AFF4: variants seen among roughly 807,000 people sequenced by gnomAD.
AFF4 encodes ALF transcription elongation factor 4.
A neutral mutation model predicts 124.8 loss-of-function variants in AFF4; 13 were observed. The ratio of observed to expected loss-of-function variants is 0.10; its 90% CI spans 0.07 to 0.17. AFF4 has a LOEUF of 0.17. Among genes scored for constraint, AFF4 ranks in the 10% least tolerant of loss-of-function variants. The probability of loss-of-function intolerance (pLI) is 1.00; values close to 1 mark genes in which losing one functional copy is unlikely to be tolerated. For synonymous variants in AFF4, 477 were observed against 496.1 expected, an observed-to-expected ratio of 0.96 and a Z score of 0.51; for missense variants, 1,092 against 1,403.8, an observed-to-expected ratio of 0.78 and a Z score of 3.55.
intron 17 of AFF4, among the ~76,000 whole-genome samples, chr5:132,887,157 A>AACGGG (rs1285590894): frequency 1.3e-5 from 2 of 152,224 alleles, no homozygotes; most frequent in African/African-American, 4.8e-5. Flanking sequence ...GGATGAAGCA[A>AACGGG]ACAAGTCACA....
At position 132,878,117 on chromosome 5, in the gene AFF4, G is replaced by A. The variant is rs1759884678; in HGVS notation, c.*2942C>T. 2 of 227,288 alleles carry A rather than the reference G, an allele frequency of 8.8e-6. No individual in the cohort carries two copies. The highest frequency in any genetic ancestry group is 3.6e-4 in the South Asian group (2 of 5,492). The allele number at this position is 227,288 out of a possible 1,614,324, so 14.1% of individuals were successfully genotyped here. ...CTTGCCCAGAAAAAGGTGGCACTGAGGCAAGGAATGGGCTGGATGCTCTCT... is the reference window on the plus strand; with the variant it reads ...CTTGCCCAGAAAAAGGTGGCACTGAAGCAAGGAATGGGCTGGATGCTCTCT... On this transcript the variant is annotated 3_prime_UTR_variant, in exon 21 of 21. Transcript: ENST00000265343.
At chr5:132,914,583 A>G (rs1042989920) in intron 5 of AFF4, among the ~76,000 whole-genome samples, 13 of 152,056 alleles carry the variant, frequency 8.5e-5, no homozygotes, top group African/African-American at 3.1e-4. Context: ...CCTGGGAGAC[A>G]GAGCAAGACT....
In AFF4 at chr5:132,927,105, C is replaced by A; in HGVS notation, c.1050+16G>T. ...GAGTTTTCTTACATTATGAAAGATACATTTTATTTACTTACCTTAGTTGGA... is the reference window on the plus strand; with the variant it reads ...GAGTTTTCTTACATTATGAAAGATAAATTTTATTTACTTACCTTAGTTGGA... On this transcript the variant is annotated intron_variant, in intron 5 of 20. Coordinates refer to ENST00000265343, the MANE Select transcript of AFF4 (RefSeq NM_014423.4). 20 of 1,601,122 alleles carry A rather than the reference C, an allele frequency of 1.2e-5. No individual in the cohort carries two copies. The highest frequency in any genetic ancestry group is 1.7e-5 in the Non-Finnish European group (20 of 1,171,022).
At position 132,876,532 on chromosome 5, in the gene AFF4, G is replaced by A. The variant is rs1759843871; in HGVS notation, c.*4527C>T. The A allele has an allele frequency of 4.7e-6, 1 of 214,122 alleles. No homozygotes were observed. The highest frequency in any genetic ancestry group is 9.5e-6 in the Non-Finnish European group (1 of 105,734). The allele number at this position is 214,122 out of a possible 1,614,324, so 13.3% of individuals were successfully genotyped here. ...ATGTTTAGCTGAGTAACAGTGGCAA[G>A]GAGAGGTCAATGCTGACATTCCTGA... On this transcript the variant is annotated 3_prime_UTR_variant, in exon 21 of 21. Coordinates refer to ENST00000265343, the MANE Select transcript of AFF4 (RefSeq NM_014423.4).
chr5:132,915,338 C>CAAAAGAA (rs200113875), intron 5 of AFF4, among the ~76,000 whole-genome samples: 6 of 148,246 alleles, frequency 4.0e-5, no homozygotes, highest in Middle Eastern at 3.4e-3. Context: ...AAGACTGTCT[C>CAAAAGAA]AAAAGAAAAA....
intron 5 of AFF4, among the ~76,000 whole-genome samples, chr5:132,916,238 CAAAAAAAAAA>C (rs70974061): frequency 1.3e-3 from 64 of 50,684 alleles, no homozygotes; most frequent in Middle Eastern, 0.015. Flanking sequence ...GATGCTGTCT[CAAAAAAAAAA>C]AAAAAAAAAA....
rs746975722 is a variant in AFF4 at position 132,889,180 on chromosome 5, A to G, written c.2638-7T>C. 2.2e-5 allele frequency: 34 copies of G among 1,579,452 alleles called. No individual in the cohort carries two copies. The highest frequency in any genetic ancestry group is 2.7e-5 in the African/African-American group (2 of 74,056). Reference sequence around the variant, plus strand: ...AGCTACTTGGAGCCTTTTCCTGACCAAAAAAATATATAACTACAATGAAAA... The same window carrying G: ...AGCTACTTGGAGCCTTTTCCTGACCGAAAAAATATATAACTACAATGAAAA... On this transcript the variant is annotated splice_polypyrimidine_tract_variant and splice_region_variant and intron_variant, in intron 13 of 20. Transcript: ENST00000265343.
chr5:132,881,123 T>C lies in AFF4; in HGVS notation c.3428A>G (p.Asp1143Gly). ...TCCCTGCCGGGTATAACGAACTAGA[T>C]CTGTCATGATGCTTGCATTAAAGAT... ...PLIFNASIMT[D>G]LVRYTRQGLH... Residue 1143 changes from aspartate (D) to glycine (G), a missense_variant, in exon 21 of 21, where the codon GAT becomes GGT. By Grantham distance (94) the Asp-to-Gly change is moderately conservative. Around this residue, in one of 11 missense-constraint regions of AFF4, gnomAD observed 173 missense variants for 294.9 expected, o/e 0.59. Coordinates refer to ENST00000265343, the MANE Select transcript of AFF4 (RefSeq NM_014423.4). The C allele has an allele frequency of 6.2e-7, 1 of 1,614,228 alleles. No homozygotes were observed. Among genetic ancestry groups the C allele is most frequent in the Non-Finnish European group, 8.5e-7 (1 of 1,180,028 alleles).
chr5:132,904,445 AAAAG>A, intron 5 of AFF4, 41 bp from the exon 6 acceptor site: 1 of 1,538,124 alleles, frequency 6.5e-7, no homozygotes, highest in East Asian at 2.2e-5. Context: ...GTTACACTAA[AAAAG>A]AAAGATTAGT....
At chr5:132,931,424 A>C (rs1329338071) in intron 4 of AFF4, among the ~76,000 whole-genome samples, 1 of 152,174 alleles carries the variant, frequency 6.6e-6, no homozygotes, top group Admixed American at 6.6e-5. Flanking sequence ...GTGAGACTCC[A>C]TATCAAGAAA....
At chr5:132,958,655 G>T (rs1242522717) in intron 1 of AFF4, among the ~76,000 whole-genome samples, 1 of 152,050 alleles carries the variant, frequency 6.6e-6, no homozygotes, top group Non-Finnish European at 1.5e-5. Flanking sequence ...ATTCCAATTG[G>T]AAGAAATGGA....
chr5:132,938,951 AAAAAAAAAAAAAGGCAATTTAATGTTTAG>A, intron 1 of AFF4, among the ~76,000 whole-genome samples: 1 of 149,176 alleles, frequency 6.7e-6, no homozygotes, highest in East Asian at 2.0e-4. Flanking sequence ...CAAAAAAAAA[AAAAAAAAAAAAAGGCAATTTAATGTTTAG>A]AAAAAAAAAA....
rs377414396 is a variant in AFF4 at position 132,897,157 on chromosome 5, T to C, written c.1473A>G (p.Ser491=). The C allele has an allele frequency of 3.7e-6, 6 of 1,614,110 alleles. No individual in the cohort carries two copies. The African/African-American group carries it at 5.3e-5, about 14-fold the overall frequency. The stretch of plus-strand genomic sequence containing the variant: ...GAGATGATGGGATGTTACTGTCCAC[T>C]GAAGAGGCGGGTGACACTTTATGTG... ...VNPHKVSPAS[S]VDSNIPSSQG... is the part of the protein sequence containing the mutation. The change falls in exon 11 of 21, where the codon TCA becomes TCG. Residue 491 remains serine (S), a synonymous_variant. Coordinates refer to ENST00000265343, the MANE Select transcript of AFF4 (RefSeq NM_014423.4).
chr5:132,962,939 TGAG>T (rs924213233), intron 1 of AFF4, among the ~76,000 whole-genome samples: 7 of 151,824 alleles, frequency 4.6e-5, no homozygotes, highest in Admixed American at 1.3e-4. Flanking sequence ...AATTTGAAAT[TGAG>T]GAGGATATGA....
intron 1 of AFF4, among the ~76,000 whole-genome samples, chr5:132,959,977 G>A (rs1259095222): frequency 1.3e-5 from 2 of 151,770 alleles, no homozygotes; most frequent in Non-Finnish European, 2.9e-5. Context: ...GGATGGTCTC[G>A]ATCTCCTGAC....
Position 132,880,972 on chromosome 5 carries a change from C to T in AFF4, c.*87G>A, listed in dbSNP as rs767716843. ...GAAAACTATTCCTCATTCTTAGTGT[C>T]GACTAGGTGGTATGTTATGGCAGTT... On this transcript the variant is annotated 3_prime_UTR_variant, in exon 21 of 21. Transcript: ENST00000265343. 7 of 1,491,622 alleles carry T rather than the reference C, an allele frequency of 4.7e-6. No individual in the cohort carries two copies. The South Asian group carries it at 6.6e-5, about 14-fold the overall frequency. The allele number at this position is 1,491,622 out of a possible 1,614,324, so 92.4% of individuals were successfully genotyped here. A position where few individuals can be genotyped will look rare whatever the true frequency, so the allele number is the denominator to read the frequency against.
At chr5:132,910,249 G>A (rs1760763384) in intron 5 of AFF4, among the ~76,000 whole-genome samples, 1 of 152,088 alleles carries the variant, frequency 6.6e-6, no homozygotes, top group African/African-American at 2.4e-5. Context: ...TTTTAAATGG[G>A]ACCAATTCAA....
At chr5:132,891,000 ATAAAT>A (rs1760240945) in intron 13 of AFF4, among the ~76,000 whole-genome samples, 1 of 151,850 alleles carries the variant, frequency 6.6e-6, no homozygotes, top group South Asian at 2.1e-4. Flanking sequence ...AAGCAAATAA[ATAAAT>A]TAATTAATAA....
In AFF4 at chr5:132,879,071, TAA is replaced by T. The variant is rs1251469771; in HGVS notation, c.*1986_*1987del. On this transcript the variant is annotated 3_prime_UTR_variant, in exon 21 of 21. Coordinates refer to ENST00000265343, the MANE Select transcript of AFF4 (RefSeq NM_014423.4). ...AACTGTTCCTAGAACACACTAAGAT[TAA>T]GTTAGAAAGATATCAGAGGCAATTT... is the stretch of plus-strand genomic sequence containing the variant. 9.0e-6 allele frequency: 2 copies of T among 221,584 alleles called. No homozygotes were observed. Among genetic ancestry groups the T allele is most frequent in the Non-Finnish European group, 1.8e-5 (2 of 110,898 alleles). The allele number at this position is 221,584 out of a possible 1,614,324, so 13.7% of individuals were successfully genotyped here.
Sources: gnomAD v4.1 joint callset for allele counts (sites outside exome capture counted in the v4.1 genomes callset) on GRCh38, gnomAD v4.1.1 for gene constraint, gnomAD v4.1.1 regional missense constraint, MANE v1.5 for transcripts, NCBI Gene and HGNC (gene_info 2026-07-23, HGNC 2026-07-21) for gene names.